Variants in SGCD observed in about 807,000 individuals in gnomAD.
SGCD encodes delta-sarcoglycan.
Under a neutral mutation model 36.6 loss-of-function variants are expected in SGCD, and 18 were observed. The observed-to-expected ratio is 0.49, with a 90% confidence interval of 0.34 to 0.73. The LOEUF (loss-of-function observed/expected upper bound fraction) is 0.73. Among genes scored for constraint, SGCD ranks in the 30% least tolerant of loss-of-function variants. The pLI is 0.01. For synonymous variants in SGCD, 133 were observed against 130.6 expected (o/e 1.02, Z -0.12); for missense variants, 387 against 346.7 (o/e 1.12, Z -0.92).
At chr5:155,832,821 T>C in the SGCD span, among the ~76,000 whole-genome samples, 2 of 152,152 alleles carry the variant, frequency 1.3e-5, no homozygotes, top group Non-Finnish European at 2.9e-5. Flanking sequence ...AATTAATAAG[T>C]AAGTTTCATG....
chr5:155,897,301 G>A (rs1756286375), intron 1 of SGCD, among the ~76,000 whole-genome samples: 1 of 152,032 alleles, frequency 6.6e-6, no homozygotes, highest in Non-Finnish European at 1.5e-5. Flanking sequence ...ATGATATAAT[G>A]GTAAAAAATG....
chr5:155,854,065 T>A, the SGCD span, among the ~76,000 whole-genome samples: 177 of 152,258 alleles, frequency 1.2e-3, no homozygotes, highest in South Asian at 3.3e-3. Flanking sequence ...CCTTATTTTT[T>A]AAAAAATCTT....
At chr5:156,203,756 A>G (rs1206134133) in intron 3 of SGCD, among the ~76,000 whole-genome samples, 1 of 152,146 alleles carries the variant, frequency 6.6e-6, no homozygotes, top group Non-Finnish European at 1.5e-5. Flanking sequence ...AACTTGTCCA[A>G]TATTACAGTT....
chr5:156,013,336 G>C (rs1758901190), intron 1 of SGCD, among the ~76,000 whole-genome samples: 2 of 152,154 alleles, frequency 1.3e-5, no homozygotes, highest in South Asian at 2.1e-4. Context: ...AGGTGTTTTT[G>C]AAGTGTTGCT....
chr5:156,559,387 T>C (rs1223332627), intron 4 of SGCD, among the ~76,000 whole-genome samples: 1 of 152,206 alleles, frequency 6.6e-6, no homozygotes, highest in African/African-American at 2.4e-5. Flanking sequence ...AATGCCTTAT[T>C]GGTACCATGA....
chr5:156,590,543 G>A (rs188416930), intron 5 of SGCD, among the ~76,000 whole-genome samples: 152 of 152,246 alleles, frequency 1.0e-3, no homozygotes, highest in African/African-American at 3.5e-3. Context: ...TTTAAGCAGC[G>A]TGTGTGAAAA....
At chr5:156,227,078 C>T (rs1271486519) in intron 3 of SGCD, among the ~76,000 whole-genome samples, 3 of 152,060 alleles carry the variant, frequency 2.0e-5, no homozygotes, top group Admixed American at 6.6e-5. Context: ...GGTTCTTTTG[C>T]CATGCAAAAG....
At chr5:156,627,352 G>A (rs1000096088) in intron 6 of SGCD, among the ~76,000 whole-genome samples, 1 of 152,060 alleles carries the variant, frequency 6.6e-6, no homozygotes, top group Admixed American at 6.6e-5. Flanking sequence ...TATAAAAACA[G>A]AGAGAGAGAG....
chr5:155,732,736 T>C, the SGCD span, among the ~76,000 whole-genome samples: 7 of 152,328 alleles, frequency 4.6e-5, no homozygotes, highest in East Asian at 1.2e-3. Flanking sequence ...CAGAGATCTA[T>C]ATTTTTAGCC....
At chr5:156,502,316 G>A (rs887527999) in intron 3 of SGCD, among the ~76,000 whole-genome samples, 1 of 152,064 alleles carries the variant, frequency 6.6e-6, no homozygotes, top group South Asian at 2.1e-4. Context: ...AAAGTGCTGG[G>A]ATTACAGGCG....
At chr5:156,501,722 A>G (rs1308594816) in intron 3 of SGCD, among the ~76,000 whole-genome samples, 3 of 152,114 alleles carry the variant, frequency 2.0e-5, no homozygotes, top group South Asian at 2.1e-4. Flanking sequence ...GAAAACTCCT[A>G]TTCTGAGTTG....
intron 7 of SGCD, among the ~76,000 whole-genome samples, chr5:156,683,182 A>C (rs1227581527): frequency 1.3e-5 from 2 of 152,228 alleles, no homozygotes; most frequent in African/African-American, 4.8e-5. Flanking sequence ...GATTGCAGGA[A>C]ACACCTGAGT....
intron 3 of SGCD, among the ~76,000 whole-genome samples, chr5:156,295,329 A>G (rs1229537286): frequency 6.6e-6 from 1 of 152,026 alleles, no homozygotes; most frequent in Non-Finnish European, 1.5e-5. Flanking sequence ...TTTTTATTTT[A>G]GAAATTTGAG....
chr5:156,198,109 T>A (rs1764063239), intron 3 of SGCD, among the ~76,000 whole-genome samples: 1 of 152,166 alleles, frequency 6.6e-6, no homozygotes, highest in Non-Finnish European at 1.5e-5. Flanking sequence ...TGTTGAGCCA[T>A]CTATCTGTTC....
chr5:155,841,633 C>G, the SGCD span, among the ~76,000 whole-genome samples: 1 of 151,890 alleles, frequency 6.6e-6, no homozygotes, highest in South Asian at 2.1e-4. Context: ...AACCATTTGT[C>G]AGGTGTATTA....
intron 7 of SGCD, among the ~76,000 whole-genome samples, chr5:156,736,646 G>C (rs1756383211): frequency 6.6e-6 from 1 of 152,146 alleles, no homozygotes; most frequent in Admixed American, 6.5e-5. Flanking sequence ...ATCTCCAAGT[G>C]AATGACAGGG....
At chr5:156,647,629 C>G in intron 7 of SGCD, 93 bp downstream of exon 7, 1 of 799,982 alleles carries the variant, frequency 1.3e-6, no homozygotes, top group Admixed American at 2.5e-5. Flanking sequence ...TAATAAGTGT[C>G]ACAGCGTGAA....
chr5:156,573,092 A>G (rs1759787900), intron 4 of SGCD, among the ~76,000 whole-genome samples: 1 of 152,184 alleles, frequency 6.6e-6, no homozygotes, highest in Admixed American at 6.5e-5. Flanking sequence ...GATTATGAAC[A>G]TATTGTTTAT....
intron 7 of SGCD, among the ~76,000 whole-genome samples, chr5:156,702,693 T>C (rs1005915450): frequency 6.6e-5 from 10 of 152,190 alleles, no homozygotes; most frequent in Non-Finnish European, 1.0e-4. Flanking sequence ...AATGAGACTT[T>C]AATATTTTAA....
Sources: allele counts gnomAD v4.1 joint callset (sites outside exome capture counted in the v4.1 genomes callset), GRCh38; gene constraint gnomAD v4.1.1; transcripts MANE v1.5; gene names NCBI Gene and HGNC (gene_info 2026-07-23, HGNC 2026-07-21).